The following PDE1C variants were observed in gnomAD, a reference collection of about 807,000 sequenced individuals.
PDE1C encodes phosphodiesterase 1C, also known as dual specificity calcium/calmodulin-dependent 3',5'-cyclic nucleotide phosphodiesterase 1C.
Under a neutral mutation model 93.1 loss-of-function variants are expected in PDE1C, and 62 were observed. That is an observed-to-expected ratio of 0.67 (90% confidence interval 0.54 to 0.82). The LOEUF is 0.82. Ranked by LOEUF, PDE1C falls within the 40% of genes least tolerant of loss-of-function variation. The pLI is 0.00. For synonymous variants in PDE1C, 325 were observed against 310.1 expected (o/e 1.05, Z -0.50); for missense variants, 742 against 884.6 (o/e 0.84, Z 2.04).
chr7:31,838,730 C>T (rs979783315), intron 9 of PDE1C, among the ~76,000 whole-genome samples: 5 of 152,048 alleles, frequency 3.3e-5, no homozygotes, highest in Non-Finnish European at 5.9e-5. Context: ...CTTTTTACTG[C>T]CTCTAACGAC....
At chr7:32,222,424 C>T (rs979894568) in intron 1 of PDE1C, among the ~76,000 whole-genome samples, 6 of 152,078 alleles carry the variant, frequency 3.9e-5, no homozygotes, top group African/African-American at 7.2e-5. Flanking sequence ...TTGAGCTGCT[C>T]GATAAAGGGC....
intron 2 of PDE1C, among the ~76,000 whole-genome samples, chr7:31,999,536 G>T (rs959381383): frequency 3.3e-5 from 5 of 152,108 alleles, no homozygotes; most frequent in Admixed American, 3.3e-4. Flanking sequence ...TGACCCTGAA[G>T]CCACTTCACA....
intron 1 of PDE1C, among the ~76,000 whole-genome samples, chr7:32,421,650 C>A (rs7785999): frequency 0.15 from 22,819 of 152,068 alleles, 1,807 homozygotes; most frequent in East Asian, 0.19. Context: ...CATGGGACTC[C>A]TGAAAGTCTA....
chr7:31,705,855 C>A, the PDE1C span, among the ~76,000 whole-genome samples: 1 of 151,948 alleles, frequency 6.6e-6, no homozygotes, highest in East Asian at 1.9e-4. Flanking sequence ...CTTCCTTTGA[C>A]CTTACATTAA....
At chr7:32,189,718 A>C (rs1804106078) in intron 2 of PDE1C, among the ~76,000 whole-genome samples, 1 of 152,150 alleles carries the variant, frequency 6.6e-6, no homozygotes, top group Admixed American at 6.5e-5. Context: ...AGCGTTTGAA[A>C]GTAATTGAAG....
chr7:32,400,346 T>C (rs867716026), intron 1 of PDE1C, among the ~76,000 whole-genome samples: 63 of 152,144 alleles, frequency 4.1e-4, no homozygotes, highest in African/African-American at 1.5e-3. Flanking sequence ...GACAAATCAG[T>C]CTTCTTCTCT....
chr7:32,203,385 C>A (rs1805170211), intron 2 of PDE1C, among the ~76,000 whole-genome samples: 1 of 152,144 alleles, frequency 6.6e-6, no homozygotes, highest in Non-Finnish European at 1.5e-5. Context: ...TACATGGCAT[C>A]ACCATGTCAT....
chr7:31,742,285 C>A, the PDE1C span, among the ~76,000 whole-genome samples: 1 of 152,246 alleles, frequency 6.6e-6, no homozygotes, highest in South Asian at 2.1e-4. Context: ...GTAACATAAA[C>A]TCAGAAGCCA....
chr7:31,730,406 T>C, the PDE1C span, among the ~76,000 whole-genome samples: 1 of 152,178 alleles, frequency 6.6e-6, no homozygotes, highest in South Asian at 2.1e-4. Flanking sequence ...GGGCCACTCG[T>C]GCTCTGCAGT....
intron 3 of PDE1C, 168 bp from the exon 4 acceptor site, chr7:31,879,346 G>A (rs1562961159): frequency 1.0e-5 from 6 of 602,688 alleles, no homozygotes; most frequent in South Asian, 4.6e-5. Flanking sequence ...ATGTAAGCTC[G>A]CCATGTGTGT....
At chr7:31,768,174 A>G (rs1453822443) in intron 17 of PDE1C, among the ~76,000 whole-genome samples, 1 of 152,202 alleles carries the variant, frequency 6.6e-6, no homozygotes, top group Non-Finnish European at 1.5e-5. Flanking sequence ...CAGCAGGTGC[A>G]TGACTGCTTT....
chr7:32,128,901 TAACA>T (rs1315703994), intron 3 of PDE1C, among the ~76,000 whole-genome samples: 1 of 73,758 alleles, frequency 1.4e-5, no homozygotes, highest in African/African-American at 5.2e-5. Flanking sequence ...ACTTAAAGTA[TAACA>T]AATATATATA....
chr7:31,832,598 AG>A (rs1790556524), intron 11 of PDE1C, among the ~76,000 whole-genome samples: 1 of 152,232 alleles, frequency 6.6e-6, no homozygotes, highest in African/African-American at 2.4e-5. Flanking sequence ...GAACTGAGGC[AG>A]CATTTCTCTT....
intron 2 of PDE1C, among the ~76,000 whole-genome samples, chr7:32,191,610 C>T (rs1397995401): frequency 6.6e-6 from 1 of 152,140 alleles, no homozygotes; most frequent in Non-Finnish European, 1.5e-5. Flanking sequence ...GTTTGTTTAA[C>T]CATTCATCTG....
chr7:31,900,415 C>CTT lies in PDE1C; in HGVS notation c.129-19557_129-19556dup, dbSNP rs57362964. ...TCATTATCTTTTTATTCCTGGCTAC[C>CTT]TTTTTTTTTTTTACTGTAATATACA... On this transcript the variant is annotated intron_variant, in intron 2 of 17. Transcript: ENST00000396191. 5.3e-4 allele frequency among the ~76,000 whole-genome samples: 76 copies of CTT among 144,610 alleles called. No individual in the cohort carries two copies. In the East Asian group the frequency reaches 8.7e-3, roughly 17 times the overall value. The allele number at this position is 144,610 out of a possible 152,430, so 94.9% of individuals were successfully genotyped here. A position where few individuals can be genotyped will look rare whatever the true frequency, so the allele number is the denominator to read the frequency against.
the PDE1C span, among the ~76,000 whole-genome samples, chr7:31,701,502 A>G: frequency 6.6e-6 from 1 of 152,254 alleles, no homozygotes; most frequent in African/African-American, 2.4e-5. Context: ...TGAAATGACA[A>G]CAAAGGGTTT....
intron 1 of PDE1C, among the ~76,000 whole-genome samples, chr7:32,327,175 C>A (rs1055928735): frequency 3.3e-5 from 5 of 152,210 alleles, no homozygotes; most frequent in African/African-American, 4.8e-5. Flanking sequence ...CTGCTATTGT[C>A]TTTACCCAAG....
intron 3 of PDE1C, among the ~76,000 whole-genome samples, chr7:32,144,945 AC>A (rs1327418197): frequency 6.6e-6 from 1 of 152,164 alleles, no homozygotes; most frequent in African/African-American, 2.4e-5. Context: ...GATACAGTGA[AC>A]CTTGCTGTAA....
At chr7:31,830,882 C>A (rs1790298287) in intron 11 of PDE1C, among the ~76,000 whole-genome samples, 1 of 152,160 alleles carries the variant, frequency 6.6e-6, no homozygotes, top group South Asian at 2.1e-4. Context: ...GAACCATCTG[C>A]TAATCAAGAA....
Sources: allele counts gnomAD v4.1 joint callset (sites outside exome capture counted in the v4.1 genomes callset), GRCh38; gene constraint gnomAD v4.1.1; transcripts MANE v1.5; gene names NCBI Gene and HGNC (gene_info 2026-07-23, HGNC 2026-07-21).